LRMDA: variants seen among roughly 807,000 people sequenced by gnomAD.
The protein encoded by LRMDA is leucine rich melanocyte differentiation associated.
Under a neutral mutation model 29.8 loss-of-function variants are expected in LRMDA, and 18 were observed. The observed-to-expected ratio is 0.60, with a 90% CI of 0.42 to 0.90. The LOEUF is 0.90. Among genes scored for constraint, LRMDA ranks in the 40% least tolerant of loss-of-function variants. The pLI, the probability that LRMDA is intolerant of heterozygous loss-of-function variation, is 0.00. For synonymous variants in LRMDA, 125 were observed against 109.4 expected (o/e 1.14, Z -0.89); for missense variants, 273 against 273.9 (o/e 1.00, Z 0.02).
chr10:76,056,948 T>A (rs1848625477), intron 4 of LRMDA, among the ~76,000 whole-genome samples: 1 of 152,112 alleles, frequency 6.6e-6, no homozygotes, highest in African/African-American at 2.4e-5. Flanking sequence ...CTGCAGCTGG[T>A]GTATTTGCAG....
Position 75,890,037 on chromosome 10 carries a change from GC to G in LRMDA, c.132-145966del, listed in dbSNP as rs143723331. Among the ~76,000 whole-genome samples the G allele has an allele frequency of 5.6e-3, 857 of 152,232 alleles. 4 individuals are homozygous for G. Among genetic ancestry groups the G allele is most frequent in the African/African-American group, 0.019 (804 of 41,524 alleles). On this transcript the variant is annotated intron_variant, in intron 2 of 6. Coordinates refer to ENST00000611255, the MANE Select transcript of LRMDA (RefSeq NM_001305581.2). Reference sequence around the variant, plus strand: ...CCTGTTCCATGTAAGCAGAAACATGGCCCCCTTATCCTCTGATGCAACCCAG... The same window carrying G: ...CCTGTTCCATGTAAGCAGAAACATGGCCCCTTATCCTCTGATGCAACCCAG...
chr10:75,611,417 C>T (rs929093727), intron 2 of LRMDA, among the ~76,000 whole-genome samples: 9 of 152,170 alleles, frequency 5.9e-5, no homozygotes, highest in Admixed American at 2.0e-4. Context: ...TGGCATTACC[C>T]GCATTCACAT....
intron 2 of LRMDA, among the ~76,000 whole-genome samples, chr10:75,643,540 T>A (rs1841479658): frequency 6.6e-6 from 1 of 152,184 alleles, no homozygotes; most frequent in African/African-American, 2.4e-5. Flanking sequence ...AGGGAAGGAC[T>A]TAGTCTACCT....
chr10:76,363,378 GTCTT>G (rs1051399036), intron 6 of LRMDA, among the ~76,000 whole-genome samples: 1 of 152,098 alleles, frequency 6.6e-6, no homozygotes, highest in African/African-American at 2.4e-5. Flanking sequence ...AAGTAAAACT[GTCTT>G]TATTTGCAGA....
chr10:76,145,447 A>G (rs1004670499), intron 5 of LRMDA, among the ~76,000 whole-genome samples: 1 of 151,850 alleles, frequency 6.6e-6, no homozygotes, highest in Admixed American at 6.6e-5. Flanking sequence ...GAATTTATCT[A>G]TTTCTTCTAG....
At chr10:76,470,207 G>T (rs905227198) in intron 6 of LRMDA, among the ~76,000 whole-genome samples, 4 of 152,012 alleles carry the variant, frequency 2.6e-5, no homozygotes, top group Non-Finnish European at 5.9e-5. Flanking sequence ...AGTAATACAG[G>T]CTGAAAGCAG....
intron 6 of LRMDA, among the ~76,000 whole-genome samples, chr10:76,353,932 G>T (rs181452889): frequency 5.5e-4 from 83 of 152,258 alleles, no homozygotes; most frequent in Admixed American, 9.2e-4. Context: ...TCTGTGGTCT[G>T]CTTTCTGTGA....
intron 5 of LRMDA, among the ~76,000 whole-genome samples, chr10:76,117,654 A>G (rs954901400): frequency 1.8e-4 from 27 of 152,248 alleles, no homozygotes. Flanking sequence ...AGTGAGTTAT[A>G]TAAAATACAA....
At chr10:76,413,148 T>C (rs1337007224) in intron 6 of LRMDA, among the ~76,000 whole-genome samples, 2 of 152,180 alleles carry the variant, frequency 1.3e-5, no homozygotes, top group African/African-American at 4.8e-5. Context: ...GTGACCTTTT[T>C]TCAAGATTCT....
intron 6 of LRMDA, among the ~76,000 whole-genome samples, chr10:76,486,811 C>T (rs575723332): frequency 6.6e-6 from 1 of 151,978 alleles, no homozygotes; most frequent in African/African-American, 2.4e-5. Context: ...ATGCTGCTGC[C>T]ACTGCCACAG....
intron 2 of LRMDA, among the ~76,000 whole-genome samples, chr10:76,014,513 C>T (rs1847850559): frequency 6.6e-6 from 1 of 152,106 alleles, no homozygotes; most frequent in African/African-American, 2.4e-5. Context: ...CATATACACA[C>T]CAAAAGGACA....
chr10:76,143,929 C>T (rs974296155), intron 5 of LRMDA, among the ~76,000 whole-genome samples: 2 of 152,192 alleles, frequency 1.3e-5, no homozygotes, highest in African/African-American at 4.8e-5. Context: ...GTTTTCCCAG[C>T]ACCATTTATT....
At chr10:76,393,690 C>T (rs1358413846) in intron 6 of LRMDA, among the ~76,000 whole-genome samples, 2 of 152,026 alleles carry the variant, frequency 1.3e-5, no homozygotes, top group East Asian at 3.9e-4. Flanking sequence ...TTTATTTTTG[C>T]TTTTGTTGCC....
At chr10:75,896,515 G>T (rs1845584999) in intron 2 of LRMDA, among the ~76,000 whole-genome samples, 1 of 152,174 alleles carries the variant, frequency 6.6e-6, no homozygotes, top group South Asian at 2.1e-4. Flanking sequence ...ACAGGGGCCT[G>T]TGGCCTGTGG....
chr10:76,048,035 T>G (rs1271402073), intron 4 of LRMDA, among the ~76,000 whole-genome samples: 1 of 152,248 alleles, frequency 6.6e-6, no homozygotes, highest in East Asian at 1.9e-4. Context: ...CCTTCTTCAT[T>G]TAAAATTGTC....
chr10:75,897,909 A>G (rs2208947), intron 2 of LRMDA, among the ~76,000 whole-genome samples: 115,017 of 148,646 alleles, frequency 0.77, 44,489 homozygotes, highest in East Asian at 0.98. Context: ...TGCAACCTCC[A>G]CCTCCCAGGT....
intron 6 of LRMDA, among the ~76,000 whole-genome samples, chr10:76,483,539 A>C (rs938214419): frequency 2.0e-5 from 3 of 151,866 alleles, no homozygotes; most frequent in African/African-American, 7.2e-5. Flanking sequence ...CCGGGGCTCC[A>C]GTGTATAGGG....
Position 76,123,590 on chromosome 10 carries a change from A to G in LRMDA, c.516+64807A>G, listed in dbSNP as rs182285223. 2.6e-5 allele frequency among the ~76,000 whole-genome samples: 4 copies of G among 152,352 alleles called. No individual in the cohort carries two copies. The East Asian group carries it at 7.7e-4, about 29-fold the overall frequency. On this transcript the variant is annotated intron_variant, in intron 5 of 6. Coordinates refer to ENST00000611255, the MANE Select transcript of LRMDA (RefSeq NM_001305581.2). Reference sequence around the variant, plus strand: ...GATGAGTGGTCTACAAATGGAAACCATTGATACTGTTATTGTTGTTAGTGT... The same window carrying G: ...GATGAGTGGTCTACAAATGGAAACCGTTGATACTGTTATTGTTGTTAGTGT...
chr10:75,887,156 T>TATA (rs1462596699), intron 2 of LRMDA, among the ~76,000 whole-genome samples: 6 of 149,858 alleles, frequency 4.0e-5, no homozygotes, highest in Non-Finnish European at 8.9e-5. Context: ...TACATAAATG[T>TATA]AATATTTATA....
Sources: allele counts gnomAD v4.1 joint callset (sites outside exome capture counted in the v4.1 genomes callset), GRCh38; gene constraint gnomAD v4.1.1; transcripts MANE v1.5; gene names NCBI Gene and HGNC (gene_info 2026-07-23, HGNC 2026-07-21).